OXR1: variants seen among roughly 807,000 people sequenced by gnomAD.
OXR1 encodes oxidation resistance protein 1.
A neutral mutation model predicts 104.6 loss-of-function variants in OXR1; 41 were observed. That is an observed-to-expected ratio of 0.39 (90% CI 0.31 to 0.51). OXR1 has a LOEUF of 0.51. OXR1 is among the 20% of genes least tolerant of loss of function. The probability of loss-of-function intolerance (pLI) is 0.77; values close to 1 mark genes in which losing one functional copy is unlikely to be tolerated. For missense variants in OXR1, 955 were observed against 1,031.9 expected (o/e 0.93, Z 1.02); for synonymous variants, 348 against 348.4 (o/e 1.00, Z 0.01).
intron 3 of OXR1, among the ~76,000 whole-genome samples, chr8:106,626,717 G>A (rs960056528): frequency 1.7e-4 from 26 of 150,486 alleles, no homozygotes; most frequent in African/African-American, 5.1e-4. Flanking sequence ...TAACATTGTA[G>A]ATCCCTGTAA....
intron 3 of OXR1, among the ~76,000 whole-genome samples, chr8:106,630,447 A>G (rs1328156723): frequency 1.3e-5 from 2 of 152,212 alleles, no homozygotes; most frequent in Non-Finnish European, 2.9e-5. Context: ...TTATACATCT[A>G]TTATAAGACT....
At chr8:106,298,071 A>G (rs1403200921) in intron 1 of OXR1, among the ~76,000 whole-genome samples, 3 of 152,178 alleles carry the variant, frequency 2.0e-5, no homozygotes, top group Non-Finnish European at 4.4e-5. Flanking sequence ...TTTTCTTATA[A>G]TAAGTATGAT....
chr8:106,401,833 G>C (rs1416108017), intron 2 of OXR1, among the ~76,000 whole-genome samples: 3 of 152,138 alleles, frequency 2.0e-5, no homozygotes, highest in Non-Finnish European at 4.4e-5. Context: ...CAGTAGGTCT[G>C]ATCAGCATAA....
chr8:106,433,236 A>G (rs1218940431), intron 2 of OXR1, among the ~76,000 whole-genome samples: 1 of 152,072 alleles, frequency 6.6e-6, no homozygotes, highest in Non-Finnish European at 1.5e-5. Flanking sequence ...AGGTTTTCAT[A>G]ATGTCTTCTG....
At chr8:106,537,348 G>T (rs1373968507) in intron 3 of OXR1, among the ~76,000 whole-genome samples, 1 of 152,100 alleles carries the variant, frequency 6.6e-6, no homozygotes, top group Non-Finnish European at 1.5e-5. Flanking sequence ...AGAGAGTGAG[G>T]GTGCAGTGAT....
chr8:106,662,148 A>T (rs1157996060), intron 3 of OXR1, among the ~76,000 whole-genome samples: 1 of 152,234 alleles, frequency 6.6e-6, no homozygotes, highest in East Asian at 1.9e-4. Flanking sequence ...TGAATCTGGG[A>T]CATTAACATC....
At chr8:106,741,964 C>T (rs1307703622) in intron 14 of OXR1, among the ~76,000 whole-genome samples, 1 of 152,056 alleles carries the variant, frequency 6.6e-6, no homozygotes, top group Non-Finnish European at 1.5e-5. Flanking sequence ...AGATTGTCTG[C>T]TTAATTACTT....
chr8:106,715,343 A>T (rs1054680782), intron 11 of OXR1, among the ~76,000 whole-genome samples: 1 of 150,840 alleles, frequency 6.6e-6, no homozygotes, highest in South Asian at 2.1e-4. Flanking sequence ...CGTTCTGGGG[A>T]TGTTCTATAT....
At chr8:106,341,483 A>G (rs1286057076) in intron 1 of OXR1, among the ~76,000 whole-genome samples, 1 of 151,996 alleles carries the variant, frequency 6.6e-6, no homozygotes, top group Non-Finnish European at 1.5e-5. Flanking sequence ...GATAAATAAT[A>G]TTGTCTCATC....
At chr8:106,574,265 A>G (rs1000835628) in intron 3 of OXR1, among the ~76,000 whole-genome samples, 1 of 152,220 alleles carries the variant, frequency 6.6e-6, no homozygotes, top group Non-Finnish European at 1.5e-5. Flanking sequence ...CCTCCTGGGC[A>G]GATTTTTTGG....
intron 2 of OXR1, among the ~76,000 whole-genome samples, chr8:106,382,133 C>G (rs1221903319): frequency 6.6e-6 from 1 of 152,172 alleles, no homozygotes; most frequent in Non-Finnish European, 1.5e-5. Flanking sequence ...GCTTTAAGTC[C>G]TGGCTCTGCA....
chr8:106,484,178 C>G (rs79072280), intron 2 of OXR1, among the ~76,000 whole-genome samples: 1 of 151,618 alleles, frequency 6.6e-6, no homozygotes, highest in Non-Finnish European at 1.5e-5. Context: ...AAAGACATAC[C>G]TGGTAGAGGA....
At chr8:106,396,337 G>A (rs12678878) in intron 2 of OXR1, among the ~76,000 whole-genome samples, 96,557 of 151,734 alleles carry the variant, frequency 0.64, 30,924 homozygotes, top group Middle Eastern at 0.68. Context: ...CAAAGTTAAC[G>A]TTGCTGGTGA....
chr8:106,454,650 A>G (rs1003944711), intron 2 of OXR1, among the ~76,000 whole-genome samples: 7 of 152,138 alleles, frequency 4.6e-5, no homozygotes, highest in Admixed American at 2.6e-4. Context: ...AATAATAACT[A>G]AAGTCCGTCT....
At chr8:106,569,619 G>C (rs1033434471) in intron 3 of OXR1, among the ~76,000 whole-genome samples, 4 of 152,256 alleles carry the variant, frequency 2.6e-5, no homozygotes, top group African/African-American at 9.6e-5. Flanking sequence ...TCGGTATAAA[G>C]AGAGTTCTGT....
chr8:106,747,121 GA>G (rs1167198216), intron 16 of OXR1, among the ~76,000 whole-genome samples: 1 of 152,130 alleles, frequency 6.6e-6, no homozygotes, highest in Non-Finnish European at 1.5e-5. Context: ...CACCCCAAAA[GA>G]AAAATGATGT....
chr8:106,703,032 A>C lies in OXR1; in HGVS notation c.802A>C (p.Met268Leu). The C allele has an allele frequency of 2.5e-6, 4 of 1,613,890 alleles. No homozygotes were observed. The highest frequency in any genetic ancestry group is 3.4e-6 in the Non-Finnish European group (4 of 1,179,814). ...CATCATGTGTCCAATGGAAGAGGTGATGTCAGCTGCAATGTACAAAGAAAT... is the reference window on the plus strand; with the variant it reads ...CATCATGTGTCCAATGGAAGAGGTGCTGTCAGCTGCAATGTACAAAGAAAT... Reference protein sequence around the residue: ...YGIMCPMEEVMSAAMYKEILD... With the variant: ...YGIMCPMEEVLSAAMYKEILD... The change falls in exon 8 of 17, where the codon ATG becomes CTG. Residue 268 changes from methionine (M) to leucine (L), a missense_variant. By Grantham distance (15) the Met-to-Leu change is conservative. Coordinates refer to ENST00000517566, the MANE Select transcript of OXR1 (RefSeq NM_001198533.2).
intron 3 of OXR1, among the ~76,000 whole-genome samples, chr8:106,588,730 C>A (rs529513847): frequency 6.6e-6 from 1 of 152,050 alleles, no homozygotes; most frequent in Admixed American, 6.5e-5. Context: ...CCGCCCTCCT[C>A]GGCCTCCCAA....
chr8:106,750,829 A>T lies in OXR1; in HGVS notation c.2510A>T (p.Asp837Val). 1 of 1,605,514 alleles carries T rather than the reference A, an allele frequency of 6.2e-7. No individual in the cohort carries two copies. ...GGGGEFALWL[D>V]GDLYHGRSHS... The stretch of plus-strand genomic sequence containing the variant: ...AGAGGAGAATTTGCGCTTTGGCTTG[A>T]TGGAGATCTCTACCATGGAAGAAGC... The change falls in exon 17 of 17, where the codon GAT (aspartate) becomes GTT (valine). Residue 837 changes from aspartate to valine, a missense_variant. Around this residue, in one of 2 missense-constraint regions of OXR1, gnomAD observed 106 missense variants for 179.0 expected, o/e 0.59. Transcript: ENST00000517566.
Sources: allele counts gnomAD v4.1 joint callset (sites outside exome capture counted in the v4.1 genomes callset), GRCh38; gene constraint gnomAD v4.1.1; regional missense constraint gnomAD v4.1.1; transcripts MANE v1.5; gene names NCBI Gene and HGNC (gene_info 2026-07-23, HGNC 2026-07-21).